The following GALNTL6 variants were observed in gnomAD, a reference collection of about 807,000 sequenced individuals.
GALNTL6 encodes polypeptide N-acetylgalactosaminyltransferase-like 6.
In GALNTL6, 46 loss-of-function variants were observed where a neutral mutation model predicts 73.7. That is an observed-to-expected ratio of 0.62 (90% CI 0.49 to 0.80). The LOEUF (loss-of-function observed/expected upper bound fraction) is 0.80, where lower values mean the gene tolerates loss of function less well. GALNTL6 is among the 30% of genes least tolerant of loss of function. GALNTL6 has a pLI of 0.00. For synonymous variants in GALNTL6, 259 were observed against 263.7 expected (o/e 0.98, Z 0.17); for missense variants, 604 against 755.0 (o/e 0.80, Z 2.34).
intron 5 of GALNTL6, among the ~76,000 whole-genome samples, chr4:172,405,502 C>T (rs1744209261): frequency 7.0e-6 from 1 of 143,484 alleles, no homozygotes; most frequent in African/African-American, 2.6e-5. Context: ...CAATTAAGCT[C>T]CTGCTAGACA....
intron 5 of GALNTL6, among the ~76,000 whole-genome samples, chr4:172,711,069 G>T (rs1579376069): frequency 6.6e-6 from 1 of 152,124 alleles, no homozygotes; most frequent in Non-Finnish European, 1.5e-5. Flanking sequence ...TAATATAAAA[G>T]AATTTTGGGA....
Position 173,009,172 on chromosome 4 carries a change from C to A in GALNTL6, c.1372-6C>A. ...CCACACTCAAAATTCTTTCTTCTTT[C>A]CACAGATCCGAAATGTGGCAGCAAA... is the stretch of plus-strand genomic sequence containing the variant. On this transcript the variant is annotated splice_region_variant and splice_polypyrimidine_tract_variant and intron_variant, in intron 10 of 12. Coordinates refer to ENST00000506823, the MANE Select transcript of GALNTL6 (RefSeq NM_001034845.3). 6.2e-7 allele frequency: 1 copy of A among 1,605,850 alleles called. No individual in the cohort carries two copies. The highest frequency in any genetic ancestry group is 8.5e-7 in the Non-Finnish European group (1 of 1,172,394).
intron 2 of GALNTL6, among the ~76,000 whole-genome samples, chr4:171,820,233 T>C (rs568107026): frequency 6.6e-6 from 1 of 152,260 alleles, no homozygotes; most frequent in South Asian, 2.1e-4. Context: ...ACTAATGTGT[T>C]GATGTCTGTC....
intron 5 of GALNTL6, among the ~76,000 whole-genome samples, chr4:172,528,855 A>T (rs338044): frequency 6.8e-6 from 1 of 147,364 alleles, no homozygotes; most frequent in African/African-American, 2.5e-5. Context: ...TTTTGCATAC[A>T]TTATATTTTT....
chr4:172,901,490 G>A (rs1315747168), intron 8 of GALNTL6, among the ~76,000 whole-genome samples: 4 of 152,160 alleles, frequency 2.6e-5, no homozygotes, highest in South Asian at 2.1e-4. Flanking sequence ...TGGAAAACAC[G>A]TCTGGATAAC....
intron 3 of GALNTL6, among the ~76,000 whole-genome samples, chr4:172,266,677 G>T (rs963873910): frequency 1.3e-5 from 2 of 151,296 alleles, no homozygotes; most frequent in Non-Finnish European, 2.9e-5. Flanking sequence ...CAATAAAAAT[G>T]ATTTTTTTCA....
intron 2 of GALNTL6, among the ~76,000 whole-genome samples, chr4:172,213,593 C>T (rs992625099): frequency 6.6e-6 from 1 of 151,866 alleles, no homozygotes; most frequent in African/African-American, 2.4e-5. Context: ...AGTTGATTAG[C>T]CTGTTTATAA....
intron 5 of GALNTL6, among the ~76,000 whole-genome samples, chr4:172,388,333 T>C (rs971850536): frequency 6.6e-6 from 1 of 152,184 alleles, no homozygotes; most frequent in African/African-American, 2.4e-5. Context: ...TAGAACGCAA[T>C]GCTCTAGTGC....
At chr4:172,904,331 A>G (rs916259207) in intron 8 of GALNTL6, among the ~76,000 whole-genome samples, 5 of 152,218 alleles carry the variant, frequency 3.3e-5, no homozygotes, top group African/African-American at 9.6e-5. Context: ...TAATTGGTTA[A>G]ACAGAGCTTC....
At chr4:172,458,778 C>T (rs563368005) in intron 5 of GALNTL6, among the ~76,000 whole-genome samples, 2 of 152,230 alleles carry the variant, frequency 1.3e-5, no homozygotes, top group East Asian at 3.9e-4. Flanking sequence ...TGAATTCTAC[C>T]AGAGGTGCAA....
At chr4:172,291,333 A>G (rs1739464280) in intron 3 of GALNTL6, among the ~76,000 whole-genome samples, 4 of 152,136 alleles carry the variant, frequency 2.6e-5, no homozygotes, top group Admixed American at 2.6e-4. Flanking sequence ...AAGATAATAT[A>G]CATTACAAAT....
chr4:172,413,145 A>C (rs1309110619), intron 5 of GALNTL6, among the ~76,000 whole-genome samples: 1 of 152,222 alleles, frequency 6.6e-6, no homozygotes, highest in Non-Finnish European at 1.5e-5. Context: ...AAGAACAGGG[A>C]AATCCTGATT....
chr4:172,185,352 C>A lies in GALNTL6; in HGVS notation c.139-44304C>A, dbSNP rs1240636626. On this transcript the variant is annotated intron_variant, in intron 2 of 12. Transcript: ENST00000506823. ...GATATTATTTCCTTATGTATTTTAG[C>A]CAAAGTCAGCAGCACCTGTTTTAAG... is the stretch of plus-strand genomic sequence containing the variant. Among the ~76,000 whole-genome samples, 5 of 152,260 alleles carry A rather than the reference C, an allele frequency of 3.3e-5. No homozygotes were observed. The East Asian group carries it at 9.6e-4, about 29-fold the overall frequency.
rs1338033110 is a variant in GALNTL6 at position 172,070,156 on chromosome 4, G to C, written c.139-159500G>C. ...AAACGGAAAGGATGCATTCTGGCTG[G>C]AACAAAAAGATGAGATAACAATTTT... On this transcript the variant is annotated intron_variant, in intron 2 of 12. Transcript: ENST00000506823. Among the ~76,000 whole-genome samples the C allele has an allele frequency of 1.8e-5, 2 of 109,488 alleles. 1 individual carries two copies. The highest frequency in any genetic ancestry group is 1.9e-4 in the Admixed American group (2 of 10,506). 71.8% of individuals were successfully genotyped at this position (109,488 alleles called of 152,430 possible). A position where few individuals can be genotyped will look rare whatever the true frequency, so the allele number is the denominator to read the frequency against.
At chr4:172,871,204 C>CTTT in intron 7 of GALNTL6, among the ~76,000 whole-genome samples, 1 of 152,306 alleles carries the variant, frequency 6.6e-6, no homozygotes, top group East Asian at 1.9e-4. Flanking sequence ...TGACTCCCAG[C>CTTT]TTTTGTCCCT....
chr4:172,559,058 ATTTTTTTTTTTT>A (rs71592081), intron 5 of GALNTL6, among the ~76,000 whole-genome samples: 1 of 77,386 alleles, frequency 1.3e-5, no homozygotes, highest in African/African-American at 5.3e-5. Context: ...ATGATAATGG[ATTTTTTTTTTTT>A]TTTTTTTTTT....
At chr4:172,328,920 A>G (rs1034124444) in intron 4 of GALNTL6, among the ~76,000 whole-genome samples, 12 of 152,142 alleles carry the variant, frequency 7.9e-5, no homozygotes, top group African/African-American at 2.9e-4. Context: ...TTGTTTGGAG[A>G]ACATAAAACA....
chr4:172,753,029 T>C lies in GALNTL6; in HGVS notation c.554-56332T>C, dbSNP rs983183094. On this transcript the variant is annotated intron_variant, in intron 5 of 12. Coordinates refer to ENST00000506823, the MANE Select transcript of GALNTL6 (RefSeq NM_001034845.3). ...TTTAATTACTGATTCCACATGTGAA[T>C]TGATATGGTTTGGCCGTGTTCCCAC... Among the ~76,000 whole-genome samples the C allele has an allele frequency of 4.3e-4, 66 of 152,300 alleles. 1 individual carries two copies. The highest frequency in any genetic ancestry group is 1.4e-3 in the African/African-American group (59 of 41,568).
At chr4:172,677,038 A>T (rs537713144) in intron 5 of GALNTL6, among the ~76,000 whole-genome samples, 2 of 152,324 alleles carry the variant, frequency 1.3e-5, no homozygotes, top group African/African-American at 4.8e-5. Context: ...GGCTCACAGG[A>T]TCAACTTACT....
Sources: allele counts gnomAD v4.1 joint callset (sites outside exome capture counted in the v4.1 genomes callset), GRCh38; gene constraint gnomAD v4.1.1; transcripts MANE v1.5; gene names NCBI Gene and HGNC (gene_info 2026-07-23, HGNC 2026-07-21).